Variants in ARHGAP8 observed in about 807,000 individuals in gnomAD.
The protein encoded by ARHGAP8 is rho GTPase-activating protein 8.
A neutral mutation model predicts 46.1 loss-of-function variants in ARHGAP8; 62 were observed. The observed-to-expected ratio is 1.34, with a 90% CI of 1.10 to 1.66. The LOEUF is 1.66. Among genes scored for constraint, ARHGAP8 ranks in the 40% most tolerant of loss-of-function variants. The probability of loss-of-function intolerance (pLI) is 0.00; values close to 1 mark genes in which losing one functional copy is unlikely to be tolerated. For missense variants in ARHGAP8, 923 were observed against 568.4 expected (o/e 1.62, Z -6.34); for synonymous variants, 375 against 243.1 (o/e 1.54, Z -5.05).
chr22:44,803,891 A>C (rs906919182), intron 3 of ARHGAP8, among the ~76,000 whole-genome samples: 2 of 150,950 alleles, frequency 1.3e-5, no homozygotes, highest in Non-Finnish European at 3.0e-5. Flanking sequence ...CTCAGCACAG[A>C]CTGGGTGTTC....
At chr22:44,769,440 C>T (rs1315333563) in intron 1 of ARHGAP8, among the ~76,000 whole-genome samples, 1 of 151,984 alleles carries the variant, frequency 6.6e-6, no homozygotes, top group Non-Finnish European at 1.5e-5. Context: ...CATTCTGGGC[C>T]CTTTTTAGTT....
chr22:44,790,879 C>T (rs1361083642), intron 2 of ARHGAP8, among the ~76,000 whole-genome samples: 2 of 151,644 alleles, frequency 1.3e-5, no homozygotes, highest in South Asian at 2.1e-4. Context: ...ACTACAGGCA[C>T]GTGCCGCCAT....
intron 11 of ARHGAP8, among the ~76,000 whole-genome samples, chr22:44,860,186 C>T (rs1376587944): frequency 6.6e-6 from 1 of 152,180 alleles, no homozygotes; most frequent in Admixed American, 6.5e-5. Context: ...TGGTACAGAG[C>T]CCAGTGGACT....
chr22:44,862,437 A>G lies in ARHGAP8; in HGVS notation c.1144A>G (p.Ser382Gly). The stretch of plus-strand genomic sequence containing the variant: ...GATCGAGTACTATGAAAAGATCTTC[A>G]GCACCCCGGAGGCACCTGGGGAGCA... The part of the protein sequence containing the change: ...LLIEYYEKIF[S>G]TPEAPGEHGL... The change falls in exon 12 of 12, where the codon AGC becomes GGC. Residue 382 changes from serine (S) to glycine (G), a missense_variant. Transcript: ENST00000356099. The G allele has an allele frequency of 6.2e-7, 1 of 1,614,110 alleles. No homozygotes were observed. The highest frequency in any genetic ancestry group is 1.1e-5 in the South Asian group (1 of 91,080).
At chr22:44,791,821 GAAC>G (rs1927710247) in intron 2 of ARHGAP8, among the ~76,000 whole-genome samples, 1 of 152,150 alleles carries the variant, frequency 6.6e-6, no homozygotes, top group African/African-American at 2.4e-5. Context: ...CAGTCATCAG[GAAC>G]AACAAGGATG....
chr22:44,857,804 CT>C (rs1032011795), intron 10 of ARHGAP8, among the ~76,000 whole-genome samples: 16 of 151,584 alleles, frequency 1.1e-4, no homozygotes, highest in African/African-American at 3.9e-4. Flanking sequence ...TCAGAGCTCT[CT>C]TTCCTCCTCT....
intron 1 of ARHGAP8, among the ~76,000 whole-genome samples, chr22:44,776,598 G>C (rs1926440526): frequency 1.3e-5 from 2 of 152,096 alleles, no homozygotes; most frequent in African/African-American, 4.8e-5. Flanking sequence ...CTTCTTAATA[G>C]GCTCCTGGAG....
At chr22:44,791,297 AC>A (rs1927668208) in intron 2 of ARHGAP8, among the ~76,000 whole-genome samples, 1 of 152,146 alleles carries the variant, frequency 6.6e-6, no homozygotes, top group African/African-American at 2.4e-5. Context: ...GTCAGAGTCG[AC>A]ACTTGAGCCA....
intron 2 of ARHGAP8, among the ~76,000 whole-genome samples, chr22:44,800,504 C>T (rs1928419394): frequency 6.6e-6 from 1 of 152,118 alleles, no homozygotes; most frequent in Non-Finnish European, 1.5e-5. Flanking sequence ...GGTACCCCTC[C>T]CCGCAGCTGT....
intron 4 of ARHGAP8, chr22:44,809,165 T>C (rs1238981251): frequency 2.1e-6 from 1 of 471,132 alleles, no homozygotes. Flanking sequence ...ATTTTAGCTT[T>C]GCAGGCCTGT....
Position 44,786,616 on chromosome 22 carries a change from C to T in ARHGAP8, c.79+10C>T, listed in dbSNP as rs952652984. ...ATTCTGCAGGTGGCAGGTAGGGCCC[C>T]AGCTGGGCAGTCTGCAGGACCATGG... On this transcript the variant is annotated intron_variant, in intron 2 of 11. Transcript: ENST00000356099. 1.9e-5 allele frequency: 31 copies of T among 1,611,650 alleles called. No individual in the cohort carries two copies. The highest frequency in any genetic ancestry group is 2.6e-5 in the Non-Finnish European group (31 of 1,179,240).
At chr22:44,779,995 C>A (rs1926726662) in intron 1 of ARHGAP8, among the ~76,000 whole-genome samples, 1 of 152,120 alleles carries the variant, frequency 6.6e-6, no homozygotes, top group African/African-American at 2.4e-5. Context: ...GAGGGAGGGA[C>A]CCCCAGGCTG....
chr22:44,852,472 A>G (rs561373657), intron 10 of ARHGAP8, among the ~76,000 whole-genome samples: 3 of 152,262 alleles, frequency 2.0e-5, no homozygotes, highest in East Asian at 1.9e-4. Flanking sequence ...CTTCAGCTCA[A>G]TAACATATTC....
chr22:44,775,581 G>A (rs992845085), intron 1 of ARHGAP8, among the ~76,000 whole-genome samples: 1 of 152,102 alleles, frequency 6.6e-6, no homozygotes, highest in African/African-American at 2.4e-5. Context: ...CCAAGTAGCT[G>A]GGATTACAGG....
chr22:44,773,708 G>T (rs554666882), intron 1 of ARHGAP8, among the ~76,000 whole-genome samples: 29 of 152,136 alleles, frequency 1.9e-4, no homozygotes, highest in Admixed American at 1.7e-3. Flanking sequence ...TCAATCTCCC[G>T]AGTAGCTAGG....
chr22:44,793,750 G>A (rs1162751969), intron 2 of ARHGAP8, among the ~76,000 whole-genome samples: 1 of 152,194 alleles, frequency 6.6e-6, no homozygotes, highest in Non-Finnish European at 1.5e-5. Context: ...AGAAACAGGG[G>A]TCATGAATTC....
At chr22:44,753,192 G>A (rs541148372) in intron 1 of ARHGAP8, among the ~76,000 whole-genome samples, 1 of 152,006 alleles carries the variant, frequency 6.6e-6, no homozygotes, top group African/African-American at 2.4e-5. Context: ...TCAACACACA[G>A]CGGTGGAACC....
At chr22:44,823,846 A>G (rs1930324017) in intron 6 of ARHGAP8, among the ~76,000 whole-genome samples, 1 of 152,152 alleles carries the variant, frequency 6.6e-6, no homozygotes, top group Non-Finnish European at 1.5e-5. Flanking sequence ...TGGAATGTGC[A>G]GGTGGCTGGC....
intron 11 of ARHGAP8, among the ~76,000 whole-genome samples, chr22:44,861,522 C>T (rs543448352): frequency 1.9e-4 from 29 of 152,306 alleles, no homozygotes; most frequent in Admixed American, 1.6e-3. Context: ...CTCAACAGAT[C>T]TGTGAGGGTG....
Sources: gnomAD v4.1 joint callset for allele counts (sites outside exome capture counted in the v4.1 genomes callset) on GRCh38, gnomAD v4.1.1 for gene constraint, MANE v1.5 for transcripts, NCBI Gene and HGNC (gene_info 2026-07-23, HGNC 2026-07-21) for gene names.